The following CFI variants were observed in gnomAD, a reference collection of about 807,000 sequenced individuals.
The protein encoded by CFI is complement factor I.
In CFI, 66 loss-of-function variants were observed where a neutral mutation model predicts 78.8. The observed-to-expected ratio is 0.84, with a 90% CI of 0.69 to 1.03. The LOEUF is 1.03. Ranked by LOEUF, CFI falls within the 50% of genes least tolerant of loss-of-function variation. CFI has a pLI of 0.00. For synonymous variants in CFI, 250 were observed against 232.6 expected (o/e 1.07, Z -0.68); for missense variants, 706 against 704.5 (o/e 1.00, Z -0.02).
chr4:109,760,145 C>T (rs778210798), intron 6 of CFI, 125 bp downstream of exon 6: 11 of 730,516 alleles, frequency 1.5e-5, no homozygotes, highest in Non-Finnish European at 2.7e-5. Context: ...TCTGCAAATG[C>T]CCACTCAGTG....
chr4:109,781,838 T>C (rs1730075971), intron 1 of CFI, among the ~76,000 whole-genome samples: 1 of 152,118 alleles, frequency 6.6e-6, no homozygotes, highest in South Asian at 2.1e-4. Context: ...ATACCAGGGA[T>C]GCAGGGGTGG....
chr4:109,740,017 G>T (rs1044466022), downstream of CFI, among the ~76,000 whole-genome samples: 1 of 152,338 alleles, frequency 6.6e-6, no homozygotes, highest in African/African-American at 2.4e-5. Flanking sequence ...GCAGGGGCCT[G>T]GTGTGGTGGC....
rs989210294 is a variant in CFI at position 109,746,275 on chromosome 4, T to G, written c.1376A>C (p.Tyr459Ser). Reference sequence around the variant, plus strand: ...GCATGTATCATTAGGTTGGAATAGGTAAGGAGACCAGGGGACACAGGCAGG... The same window carrying G: ...GCATGTATCATTAGGTTGGAATAGGGAAGGAGACCAGGGGACACAGGCAGG... ...SIPACVPWSP[Y>S]LFQPNDTCIV... The change falls in exon 11 of 13, where the codon TAC becomes TCC. Residue 459 changes from tyrosine to serine, a missense_variant. By Grantham distance (144) the Tyr-to-Ser change is moderately radical. Transcript: ENST00000394634. The G allele has an allele frequency of 1.9e-5, 31 of 1,614,052 alleles. 1 individual carries two copies. Among genetic ancestry groups the G allele is most frequent in the Non-Finnish European group, 1.1e-5 (13 of 1,180,038 alleles).
intron 7 of CFI, among the ~76,000 whole-genome samples, chr4:109,756,755 G>C (rs1454039055): frequency 6.6e-6 from 1 of 151,642 alleles, no homozygotes; most frequent in African/African-American, 2.4e-5. Flanking sequence ...AGCTACTCGG[G>C]AGGTTGAGGC....
At chr4:109,800,408 C>T (rs551574972) in intron 1 of CFI, among the ~76,000 whole-genome samples, 3 of 147,888 alleles carry the variant, frequency 2.0e-5, no homozygotes, top group South Asian at 2.2e-4. Context: ...CAGAGCTCCC[C>T]GCAGCCTCAA....
At chr4:109,773,143 G>C (rs1311749855) in intron 1 of CFI, among the ~76,000 whole-genome samples, 1 of 152,126 alleles carries the variant, frequency 6.6e-6, no homozygotes, top group African/African-American at 2.4e-5. Context: ...CGATACCATA[G>C]AATCAAAGTA....
intron 1 of CFI, among the ~76,000 whole-genome samples, chr4:109,775,769 T>C (rs1270137640): frequency 6.6e-6 from 1 of 152,148 alleles, no homozygotes; most frequent in African/African-American, 2.4e-5. Context: ...TGACACCTCA[T>C]ACAGCCGAGT....
intron 7 of CFI, among the ~76,000 whole-genome samples, chr4:109,754,531 C>T (rs1246770554): frequency 2.0e-5 from 3 of 150,770 alleles, no homozygotes; most frequent in East Asian, 3.9e-4. Context: ...TTTCTTTGAC[C>T]TGGGGATCTG....
At chr4:109,786,436 C>T (rs1210708783) in intron 1 of CFI, among the ~76,000 whole-genome samples, 2 of 151,944 alleles carry the variant, frequency 1.3e-5, no homozygotes, top group African/African-American at 4.8e-5. Context: ...TTTAGATGGT[C>T]GTTCATTAGA....
chr4:109,774,106 A>AT (rs1262331200), intron 1 of CFI, among the ~76,000 whole-genome samples: 2 of 152,244 alleles, frequency 1.3e-5, no homozygotes, highest in Non-Finnish European at 2.9e-5. Flanking sequence ...AACATAGATT[A>AT]TCACTTGGGC....
the CFI span, among the ~76,000 whole-genome samples, chr4:109,732,716 G>A: frequency 5.3e-5 from 8 of 152,098 alleles, 1 homozygote; most frequent in East Asian, 1.6e-3. Flanking sequence ...AGTTAGCTGG[G>A]CATGGTGGCG....
At chr4:109,736,800 C>T (rs899742207), downstream of CFI, among the ~76,000 whole-genome samples, 2 of 152,124 alleles carry the variant, frequency 1.3e-5, no homozygotes, top group Non-Finnish European at 2.9e-5. Context: ...TGATTTTCAG[C>T]TTCGTATTTC....
intron 1 of CFI, among the ~76,000 whole-genome samples, chr4:109,770,421 A>C (rs569387436): frequency 6.6e-6 from 1 of 151,908 alleles, no homozygotes; most frequent in Admixed American, 6.6e-5. Flanking sequence ...TTAGCCAGGC[A>C]TGATGGCACC....
chr4:109,781,513 T>C (rs556380701), intron 1 of CFI, among the ~76,000 whole-genome samples: 1 of 152,044 alleles, frequency 6.6e-6, no homozygotes, highest in Non-Finnish European at 1.5e-5. Context: ...GAAATGGTAA[T>C]TAAAAAATTA....
At position 109,770,472 on chromosome 4, in the gene CFI, C is replaced by T. The variant is rs1037215887; in HGVS notation, c.58-3648G>A. On this transcript the variant is annotated intron_variant, in intron 1 of 12. Transcript: ENST00000394634. ...TCAGGAGGCTGAGGTAGGAGAATCACTTGAACCCGGGAGGTGGAGTTTGCA... is the reference window on the plus strand; with the variant it reads ...TCAGGAGGCTGAGGTAGGAGAATCATTTGAACCCGGGAGGTGGAGTTTGCA... Among the ~76,000 whole-genome samples, 11 of 151,376 alleles carry T rather than the reference C, an allele frequency of 7.3e-5. No homozygotes were observed. In the East Asian group the frequency reaches 2.1e-3, roughly 29 times the overall value.
At chr4:109,790,580 T>C (rs986824371) in intron 1 of CFI, among the ~76,000 whole-genome samples, 13 of 152,088 alleles carry the variant, frequency 8.5e-5, no homozygotes, top group African/African-American at 3.1e-4. Flanking sequence ...CTGATGCTCT[T>C]CCTCCTCCCA....
chr4:109,756,961 GAAA>G lies in CFI; in HGVS notation c.904+799_904+801del, dbSNP rs1561298057. 8.6e-4 allele frequency among the ~76,000 whole-genome samples: 114 copies of G among 133,202 alleles called. 1 individual carries two copies. The highest frequency in any genetic ancestry group is 2.7e-3 in the African/African-American group (101 of 36,834). The allele number at this position is 133,202 out of a possible 152,430, so 87.4% of individuals were successfully genotyped here. On this transcript the variant is annotated intron_variant, in intron 7 of 12. Coordinates refer to ENST00000394634, the MANE Select transcript of CFI (RefSeq NM_000204.5). The stretch of plus-strand genomic sequence containing the variant: ...AGAAAGAAAGAAAGAAAGAAAGAAA[GAAA>G]GAAAGAAAGAAAGAAATTCTGAGGA...
chr4:109,742,850 A>G (rs1269615985), intron 11 of CFI, among the ~76,000 whole-genome samples: 2 of 152,218 alleles, frequency 1.3e-5, no homozygotes, highest in Non-Finnish European at 2.9e-5. Flanking sequence ...CTTAAGTTGA[A>G]TGAGATAAAT....
In CFI at chr4:109,741,064, G is replaced by T. The variant is rs181378677; in HGVS notation, c.1581C>A (p.Gly527=). The change falls in exon 13 of 13, where the codon GGC becomes GGA. Residue 527 remains glycine (G), a synonymous_variant. Coordinates refer to ENST00000394634, the MANE Select transcript of CFI (RefSeq NM_000204.5). ...SIDACKGDSG[G]PLVCMDANNV... is the part of the protein sequence containing the mutation. Reference sequence around the variant, plus strand: ...TGTTGGCATCCATACAGACTAAGGGGCCTCCAGAGTCCCCTTTACAGGCAT... The same window carrying T: ...TGTTGGCATCCATACAGACTAAGGGTCCTCCAGAGTCCCCTTTACAGGCAT... The T allele has an allele frequency of 1.2e-6, 2 of 1,614,138 alleles. No individual in the cohort carries two copies. The highest frequency in any genetic ancestry group is 1.7e-6 in the Non-Finnish European group (2 of 1,180,000).
Sources: allele counts gnomAD v4.1 joint callset (sites outside exome capture counted in the v4.1 genomes callset), GRCh38; gene constraint gnomAD v4.1.1; transcripts MANE v1.5; gene names NCBI Gene and HGNC (gene_info 2026-07-23, HGNC 2026-07-21).